NEK9: variants seen among roughly 807,000 people sequenced by gnomAD.
NEK9 encodes serine/threonine-protein kinase Nek9.
In NEK9, 75 loss-of-function variants were observed where a neutral mutation model predicts 123.4. The observed-to-expected ratio is 0.61, with a 90% CI of 0.50 to 0.74. NEK9 has a LOEUF of 0.74. NEK9 is among the 30% of genes least tolerant of loss of function. The pLI is 0.00. For missense variants in NEK9, 952 were observed against 1,214.4 expected, an observed-to-expected ratio of 0.78 and a Z score of 3.21; for synonymous variants, 438 against 458.7, an observed-to-expected ratio of 0.95 and a Z score of 0.58.
In NEK9 at chr14:75,123,615, C is replaced by G. The variant is rs905521687; in HGVS notation, c.397+431G>C. Among the ~76,000 whole-genome samples the G allele has an allele frequency of 7.9e-5, 12 of 152,202 alleles. No homozygotes were observed. The East Asian group carries it at 9.6e-4, about 12-fold the overall frequency. On this transcript the variant is annotated intron_variant, in intron 2 of 21. Transcript: ENST00000238616. ...TAGGGCCATGCTTTACTATATATTA[C>G]TTTCACTCAGTTATGATCTTTGGAC...
chr14:75,126,647 G>A lies in NEK9; in HGVS notation c.219+56C>T, dbSNP rs934223452. The stretch of plus-strand genomic sequence containing the variant: ...CTGGGAAAGCGGGGCCGAGAAGGAG[G>A]GACTCGGGGCGACCCGACAGCGCCA... On this transcript the variant is annotated intron_variant, in intron 1 of 21. Coordinates refer to ENST00000238616, the MANE Select transcript of NEK9 (RefSeq NM_033116.6). The A allele has an allele frequency of 3.8e-6, 5 of 1,310,516 alleles. No individual in the cohort carries two copies. The African/African-American group carries it at 6.3e-5, about 16-fold the overall frequency. The allele number at this position is 1,310,516 out of a possible 1,614,324, so 81.2% of individuals were successfully genotyped here. A position where few individuals can be genotyped will look rare whatever the true frequency, so the allele number is the denominator to read the frequency against.
intron 18 of NEK9, 43 bp from the exon 19 acceptor site, chr14:75,091,521 G>T (rs1040563524): frequency 1.4e-6 from 2 of 1,447,762 alleles, no homozygotes; most frequent in Non-Finnish European, 1.8e-6. Context: ...TTGCTATGCA[G>T]CAAGACAGAT....
intron 5 of NEK9, among the ~76,000 whole-genome samples, chr14:75,117,703 G>A (rs1275347179): frequency 6.6e-6 from 1 of 152,186 alleles, no homozygotes; most frequent in Non-Finnish European, 1.5e-5. Flanking sequence ...TGGCAGTGGG[G>A]AGATGGTAAC....
intron 19 of NEK9, 137 bp from the exon 20 acceptor site, chr14:75,088,778 A>G (rs1415655209): frequency 1.4e-6 from 1 of 700,748 alleles, no homozygotes; most frequent in South Asian, 2.0e-5. Flanking sequence ...GGTTAACAAC[A>G]TATCACAGCC....
At chr14:75,124,773 A>G (rs970017310) in intron 1 of NEK9, among the ~76,000 whole-genome samples, 1 of 129,290 alleles carries the variant, frequency 7.7e-6, no homozygotes, top group Non-Finnish European at 1.6e-5. Flanking sequence ...GATGTCTACT[A>G]TCTTTTTTTT....
At chr14:75,117,557 G>A (rs988320145) in intron 5 of NEK9, among the ~76,000 whole-genome samples, 9 of 152,144 alleles carry the variant, frequency 5.9e-5, no homozygotes, top group African/African-American at 1.9e-4. Context: ...AAGGAACTGT[G>A]GTAACTTGAG....
chr14:75,100,987 C>T lies in NEK9; in HGVS notation c.2002+5G>A. The T allele has an allele frequency of 1.2e-6, 2 of 1,613,848 alleles. No individual in the cohort carries two copies. Among genetic ancestry groups the T allele is most frequent in the Non-Finnish European group, 8.5e-7 (1 of 1,179,810 alleles). On this transcript the variant is annotated splice_donor_5th_base_variant and intron_variant, in intron 16 of 21. Coordinates refer to ENST00000238616, the MANE Select transcript of NEK9 (RefSeq NM_033116.6). ...GAAAGCTTGAAATGATATGTACAGACTCACCATCAGTGGCAGCAATGGTAA... is the reference window on the plus strand; with the variant it reads ...GAAAGCTTGAAATGATATGTACAGATTCACCATCAGTGGCAGCAATGGTAA...
rs866128226 is a variant in NEK9, at chr14:75,113,276, G to A, written c.938+63C>T. The A allele has an allele frequency of 1.0e-4, 130 of 1,270,896 alleles. 1 individual carries two copies. The highest frequency in any genetic ancestry group is 5.5e-4 in the Admixed American group (31 of 56,584). The allele number at this position is 1,270,896 out of a possible 1,614,324, so 78.7% of individuals were successfully genotyped here. On this transcript the variant is annotated intron_variant, in intron 8 of 21. Coordinates refer to ENST00000238616, the MANE Select transcript of NEK9 (RefSeq NM_033116.6). ...ACACTACTCTTTCTTTTAGTACTCTGATCAAGCCTCTAAAAGTCAACTATC... is the reference window on the plus strand; with the variant it reads ...ACACTACTCTTTCTTTTAGTACTCTAATCAAGCCTCTAAAAGTCAACTATC...
chr14:75,094,930 A>G (rs893731780), intron 18 of NEK9, among the ~76,000 whole-genome samples: 2 of 152,210 alleles, frequency 1.3e-5, no homozygotes, highest in African/African-American at 4.8e-5. Context: ...ACAGCAGTCA[A>G]AGGAAATCTA....
chr14:75,091,465 A>G lies in NEK9; in HGVS notation c.2247T>C (p.Ser749=). ...CGCCCCCGCCGCCTCCTCCCGGGCT[A>G]GAGCTCTGAAACACTGACAGATATA... The part of the protein sequence containing the change: ...GLSIGTVFQS[S]SPGGGGGGGG... The change falls in exon 19 of 22, where the codon TCT becomes TCC. Residue 749 remains serine (S), a synonymous_variant. Coordinates refer to ENST00000238616, the MANE Select transcript of NEK9 (RefSeq NM_033116.6). The G allele has an allele frequency of 6.3e-7, 1 of 1,591,006 alleles. No individual in the cohort carries two copies. Among genetic ancestry groups the G allele is most frequent in the Non-Finnish European group, 8.5e-7 (1 of 1,169,996 alleles).
In NEK9 at chr14:75,100,128, C is replaced by CAAAAAAAA. The variant is rs71119346; in HGVS notation, c.2002+856_2002+863dup. 5.8e-4 allele frequency among the ~76,000 whole-genome samples: 9 copies of CAAAAAAAA among 15,626 alleles called. 4 individuals carry two copies. The highest frequency in any genetic ancestry group is 1.2e-3 in the Non-Finnish European group (9 of 7,310). 10.3% of individuals were successfully genotyped at this position (15,626 alleles called of 152,430 possible). On this transcript the variant is annotated intron_variant, in intron 16 of 21. Coordinates refer to ENST00000238616, the MANE Select transcript of NEK9 (RefSeq NM_033116.6). Reference sequence around the variant, plus strand: ...TGGGCAATAGAGCAAGACTCCATCTCAAAAAAAAAAAAAAAAAAAAAAAAA... The same window carrying CAAAAAAAA: ...TGGGCAATAGAGCAAGACTCCATCTCAAAAAAAAAAAAAAAAAAAAAAAAAAAAAAAAA...
intron 6 of NEK9, among the ~76,000 whole-genome samples, chr14:75,115,101 A>C (rs946046085): frequency 3.6e-5 from 2 of 55,254 alleles, no homozygotes; most frequent in Admixed American, 2.4e-4. Flanking sequence ...ACATATATGC[A>C]CACGTGTGTG....
intron 19 of NEK9, among the ~76,000 whole-genome samples, chr14:75,090,566 C>CTT (rs879420279): frequency 6.9e-6 from 1 of 144,370 alleles, no homozygotes; most frequent in African/African-American, 2.5e-5. Flanking sequence ...AACATTCTTA[C>CTT]TTTTTTTTTT....
chr14:75,107,502 G>A lies in NEK9; in HGVS notation c.1183-15C>T. 6.4e-7 allele frequency: 1 copy of A among 1,567,182 alleles called. No homozygotes were observed. Among genetic ancestry groups the A allele is most frequent in the East Asian group, 2.3e-5 (1 of 43,256 alleles). On this transcript the variant is annotated splice_polypyrimidine_tract_variant and intron_variant, in intron 10 of 21. Transcript: ENST00000238616. The stretch of plus-strand genomic sequence containing the variant: ...CCTTGCATGTTCTGTGAAATAAAGA[G>A]GTCTTATGACTTTTTTTTTTAATTA...
chr14:75,099,518 A>T (rs906033465), intron 16 of NEK9, among the ~76,000 whole-genome samples: 1 of 152,164 alleles, frequency 6.6e-6, no homozygotes, highest in Non-Finnish European at 1.5e-5. Flanking sequence ...GTGGTGGCTC[A>T]CGCCTATAAT....
chr14:75,112,295 G>A (rs1231276778), intron 8 of NEK9, among the ~76,000 whole-genome samples: 3 of 152,216 alleles, frequency 2.0e-5, no homozygotes, highest in Admixed American at 2.0e-4. Flanking sequence ...AGTGTAATAG[G>A]ATGAAATACA....
chr14:75,098,506 G>T (rs1894462250), intron 16 of NEK9, among the ~76,000 whole-genome samples: 1 of 152,130 alleles, frequency 6.6e-6, no homozygotes, highest in Non-Finnish European at 1.5e-5. Context: ...CAATGTATAG[G>T]GGGAATTTAA....
intron 18 of NEK9, among the ~76,000 whole-genome samples, chr14:75,091,861 T>C (rs946835893): frequency 3.3e-5 from 5 of 152,328 alleles, no homozygotes; most frequent in Admixed American, 1.3e-4. Context: ...GCATCCTCCA[T>C]AGACACTTAT....
At chr14:75,127,091 G>T, upstream of NEK9, 1 of 561,102 alleles carries the variant, frequency 1.8e-6, no homozygotes, top group South Asian at 2.5e-5. Context: ...TGTGTTTCCG[G>T]CCTGGCTGAG....
Sources: gnomAD v4.1 joint callset for allele counts (sites outside exome capture counted in the v4.1 genomes callset) on GRCh38, gnomAD v4.1.1 for gene constraint, MANE v1.5 for transcripts, NCBI Gene and HGNC (gene_info 2026-07-23, HGNC 2026-07-21) for gene names.